TRAPPC9: variants seen among roughly 807,000 people sequenced by gnomAD.
The protein encoded by TRAPPC9 is IKK2 binding protein.
A neutral mutation model predicts 124.0 loss-of-function variants in TRAPPC9; 83 were observed. The ratio of observed to expected loss-of-function variants is 0.67; its 90% CI spans 0.56 to 0.80. The LOEUF is 0.80. Among genes scored for constraint, TRAPPC9 ranks in the 30% least tolerant of loss-of-function variants. TRAPPC9 has a pLI of 0.00. For missense variants in TRAPPC9, 1,302 were observed against 1,508.3 expected, an observed-to-expected ratio of 0.86 and a Z score of 2.27; for synonymous variants, 638 against 617.5, an observed-to-expected ratio of 1.03 and a Z score of -0.49.
intron 15 of TRAPPC9, among the ~76,000 whole-genome samples, chr8:140,269,284 G>A (rs1018221732): frequency 6.6e-6 from 1 of 152,114 alleles, no homozygotes; most frequent in Admixed American, 6.6e-5. Flanking sequence ...GCTCATGCCT[G>A]TAATCCCAGC....
chr8:140,436,488 A>T (rs1200817252), intron 3 of TRAPPC9, among the ~76,000 whole-genome samples: 1 of 152,248 alleles, frequency 6.6e-6, no homozygotes, highest in African/African-American at 2.4e-5. Flanking sequence ...TATCAGAGTT[A>T]ATACAAGTCA....
chr8:140,168,455 G>A (rs2061892231), intron 17 of TRAPPC9, among the ~76,000 whole-genome samples: 1 of 152,054 alleles, frequency 6.6e-6, no homozygotes, highest in African/African-American at 2.4e-5. Flanking sequence ...TCTGCATTCT[G>A]TCTCTATGGA....
At chr8:139,874,759 TG>T (rs1829211147) in intron 21 of TRAPPC9, among the ~76,000 whole-genome samples, 1 of 152,110 alleles carries the variant, frequency 6.6e-6, no homozygotes, top group Non-Finnish European at 1.5e-5. Flanking sequence ...AGGCCAGGCT[TG>T]GGAGTCCATC....
intron 5 of TRAPPC9, among the ~76,000 whole-genome samples, chr8:140,419,442 AAAAAAAAAAACAAAAC>A (rs1329950333): frequency 7.1e-6 from 1 of 141,602 alleles, no homozygotes; most frequent in African/African-American, 2.8e-5. Context: ...AAAAAAAAAA[AAAAAAAAAAACAAAAC>A]AAAACAAAAA....
chr8:139,855,881 C>T (rs1018800604), intron 21 of TRAPPC9, among the ~76,000 whole-genome samples: 4 of 152,216 alleles, frequency 2.6e-5, no homozygotes, highest in African/African-American at 9.7e-5. Context: ...TCATCAGTAA[C>T]AGGAAACCTG....
chr8:140,179,993 A>ATTTTTTTTTTTTTTTTT lies in TRAPPC9; in HGVS notation c.2556+41449_2556+41465dup, dbSNP rs71520259. 5.0e-4 allele frequency among the ~76,000 whole-genome samples: 45 copies of ATTTTTTTTTTTTTTTTT among 90,036 alleles called. 2 individuals carry two copies. Among genetic ancestry groups the ATTTTTTTTTTTTTTTTT allele is most frequent in the Admixed American group, 6.7e-4 (4 of 5,958 alleles). The allele number at this position is 90,036 out of a possible 152,430, so 59.1% of individuals were successfully genotyped here. On this transcript the variant is annotated intron_variant, in intron 17 of 22. Transcript: ENST00000438773. ...ATAAACAATTTATAGTTATATCTTGATTTTTTTTTTTTTTTTTTTTTGGCC... is the reference window on the plus strand; with the variant it reads ...ATAAACAATTTATAGTTATATCTTGATTTTTTTTTTTTTTTTTTTTTTTTTTTTTTTTTTTTTTGGCC...
intron 17 of TRAPPC9, among the ~76,000 whole-genome samples, chr8:140,090,396 T>C (rs1844484355): frequency 6.6e-6 from 1 of 152,182 alleles, no homozygotes; most frequent in Non-Finnish European, 1.5e-5. Context: ...AACTCAGCTC[T>C]TACGATGCCC....
At chr8:140,030,310 A>C (rs1237439435) in intron 17 of TRAPPC9, among the ~76,000 whole-genome samples, 16 of 152,228 alleles carry the variant, frequency 1.1e-4, no homozygotes. Flanking sequence ...AAGGGCATAC[A>C]TGTTGGAAAG....
intron 17 of TRAPPC9, among the ~76,000 whole-genome samples, chr8:140,044,654 T>C (rs1300619994): frequency 2.0e-5 from 3 of 152,242 alleles, no homozygotes; most frequent in Non-Finnish European, 4.4e-5. Context: ...ACGGAATACA[T>C]AAATGACGAA....
chr8:140,026,135 G>C (rs1167497818), intron 17 of TRAPPC9, among the ~76,000 whole-genome samples: 3 of 152,172 alleles, frequency 2.0e-5, no homozygotes, highest in Non-Finnish European at 4.4e-5. Context: ...ATTTCACTCA[G>C]CATCATGTCC....
chr8:139,815,262 C>A (rs1376870135), intron 21 of TRAPPC9, among the ~76,000 whole-genome samples: 1 of 152,164 alleles, frequency 6.6e-6, no homozygotes, highest in African/African-American at 2.4e-5. Context: ...GCAGAAGGTG[C>A]GTGTCATCCT....
intron 17 of TRAPPC9, among the ~76,000 whole-genome samples, chr8:140,189,506 C>T (rs1241165621): frequency 6.6e-6 from 1 of 152,126 alleles, no homozygotes; most frequent in East Asian, 1.9e-4. Flanking sequence ...TAAGAAAATG[C>T]TTATAACATA....
Position 139,885,935 on chromosome 8 carries a change from T to C in TRAPPC9, c.2999A>G (p.Glu1000Gly). 1 of 1,573,868 alleles carries C rather than the reference T, an allele frequency of 6.4e-7. No individual in the cohort carries two copies. Among genetic ancestry groups the C allele is most frequent in the Non-Finnish European group, 8.6e-7 (1 of 1,158,834 alleles). The change falls in exon 21 of 23, where the codon GAA (glutamate) becomes GGA (glycine). Residue 1000 changes from glutamate to glycine, a missense_variant. Glu to Gly is a moderately conservative substitution (Grantham distance 98, BLOSUM62 -2). Coordinates refer to ENST00000438773, the MANE Select transcript of TRAPPC9 (RefSeq NM_001160372.4). Reference protein sequence around the residue: ...SLKRSGEASVEGLLNQLVLEH... With the variant: ...SLKRSGEASVGGLLNQLVLEH... ...CAGGACGAGCTGGTTCAGGAGTCCTTCCACACTCGCCTCGCCACTGCGCTT... is the reference window on the plus strand; with the variant it reads ...CAGGACGAGCTGGTTCAGGAGTCCTCCCACACTCGCCTCGCCACTGCGCTT...
intron 15 of TRAPPC9, among the ~76,000 whole-genome samples, chr8:140,267,670 T>C (rs1339098229): frequency 1.3e-5 from 2 of 152,068 alleles, no homozygotes; most frequent in Non-Finnish European, 2.9e-5. Context: ...TTCGTTGTTG[T>C]TGTTGTTGTT....
chr8:140,093,827 C>CTAGA (rs1587690722), intron 17 of TRAPPC9, among the ~76,000 whole-genome samples: 1 of 152,178 alleles, frequency 6.6e-6, no homozygotes, highest in Non-Finnish European at 1.5e-5. Flanking sequence ...ACTGGCAGGG[C>CTAGA]TAGACTTAGA....
At chr8:139,835,465 C>T (rs552298856) in intron 21 of TRAPPC9, among the ~76,000 whole-genome samples, 38 of 152,364 alleles carry the variant, frequency 2.5e-4, no homozygotes, top group African/African-American at 7.0e-4. Flanking sequence ...CGCGCACGTT[C>T]GCCCGTGCTG....
At chr8:140,036,208 C>T (rs1415111801) in intron 17 of TRAPPC9, among the ~76,000 whole-genome samples, 1 of 143,156 alleles carries the variant, frequency 7.0e-6, no homozygotes, top group Non-Finnish European at 1.6e-5. Context: ...AAAGGCATGA[C>T]CTGAACGACT....
intron 8 of TRAPPC9, among the ~76,000 whole-genome samples, chr8:140,365,446 T>C (rs1424188748): frequency 6.6e-6 from 1 of 152,230 alleles, no homozygotes; most frequent in South Asian, 2.1e-4. Context: ...CCATTTACCA[T>C]GAGGCCACAG....
intron 19 of TRAPPC9, chr8:139,911,195 C>A (rs898954741): frequency 9.2e-5 from 14 of 152,146 alleles, no homozygotes; most frequent in Admixed American, 4.6e-4. Flanking sequence ...CACACAAGAT[C>A]TGATGGTTTC....
Sources: gnomAD v4.1 joint callset for allele counts (sites outside exome capture counted in the v4.1 genomes callset) on GRCh38, gnomAD v4.1.1 for gene constraint, MANE v1.5 for transcripts, NCBI Gene and HGNC (gene_info 2026-07-23, HGNC 2026-07-21) for gene names.